The following TBPL2 variants were observed in gnomAD, a reference collection of about 807,000 sequenced individuals.
The protein encoded by TBPL2 is TATA box-binding protein-like 2.
TBPL2 carries 40 observed loss-of-function variants against 38.2 expected under a neutral mutation model. The ratio of observed to expected loss-of-function variants is 1.05; its 90% CI spans 0.81 to 1.36. TBPL2 has a LOEUF of 1.36. Ranked by LOEUF, TBPL2 falls within the 40% of genes most tolerant of loss-of-function variation. The pLI is 0.00. For synonymous variants in TBPL2, 169 were observed against 171.7 expected (o/e 0.98, Z 0.12); for missense variants, 461 against 456.7 (o/e 1.01, Z -0.09).
intron 4 of TBPL2, among the ~76,000 whole-genome samples, chr14:55,432,248 A>C (rs1885941149): frequency 6.7e-6 from 1 of 149,728 alleles, no homozygotes; most frequent in African/African-American, 2.5e-5. Flanking sequence ...GTCTCTACAA[A>C]AAAAAAAAAA....
In TBPL2 at chr14:55,427,823, G is replaced by A. The variant is rs138641935; in HGVS notation, c.956+984C>T. Among the ~76,000 whole-genome samples, 527 of 139,708 alleles carry A rather than the reference G, an allele frequency of 3.8e-3. 8 individuals are homozygous for A. The highest frequency in any genetic ancestry group is 0.015 in the African/African-American group (502 of 33,028). 91.7% of individuals were successfully genotyped at this position (139,708 alleles called of 152,430 possible). ...TACAGGCAACATTGTGTTGCGGGCTGCAGCTATATACACACACACACACAC... is the reference window on the plus strand; with the variant it reads ...TACAGGCAACATTGTGTTGCGGGCTACAGCTATATACACACACACACACAC... On this transcript the variant is annotated intron_variant, in intron 5 of 6. Coordinates refer to ENST00000247219, the Ensembl canonical transcript of TBPL2.
chr14:55,432,414 G>GAA (rs200736816), intron 4 of TBPL2, among the ~76,000 whole-genome samples: 13 of 116,266 alleles, frequency 1.1e-4, no homozygotes, highest in South Asian at 2.6e-4. Context: ...CCGTGTCTCA[G>GAA]AAAAAAAAAA....
At chr14:55,433,698 C>T (rs1885971007) in exon 4 of TBPL2, 5 of 1,614,002 alleles carry the variant, frequency 3.1e-6, no homozygotes, top group Non-Finnish European at 4.2e-6. Flanking sequence ...GCTCTCGGAT[C>T]CTCATTATGA....
At chr14:55,436,532 G>T (rs767621921) in intron 2 of TBPL2, 29 bp downstream of exon 2, 1 of 1,579,536 alleles carries the variant, frequency 6.3e-7, no homozygotes, top group Non-Finnish European at 8.7e-7. Flanking sequence ...TACCCAATGT[G>T]CTCAATTAAA....
chr14:55,432,245 CAA>C (rs71131268), intron 4 of TBPL2, among the ~76,000 whole-genome samples: 40 of 121,964 alleles, frequency 3.3e-4, no homozygotes, highest in African/African-American at 6.1e-4. Flanking sequence ...CCCGTCTCTA[CAA>C]AAAAAAAAAA....
chr14:55,429,392 T>C (rs976472536), intron 4 of TBPL2, among the ~76,000 whole-genome samples: 1 of 152,194 alleles, frequency 6.6e-6, no homozygotes, highest in African/African-American at 2.4e-5. Context: ...ATCTGTCTTT[T>C]AACAAGCCCT....
chr14:55,430,202 C>G (rs529932111), intron 4 of TBPL2, among the ~76,000 whole-genome samples: 1 of 152,084 alleles, frequency 6.6e-6, no homozygotes, highest in Non-Finnish European at 1.5e-5. Context: ...ATTCCACCCC[C>G]CTCATGGGTT....
intron 5 of TBPL2, among the ~76,000 whole-genome samples, chr14:55,426,541 A>T (rs1885827005): frequency 6.6e-6 from 1 of 152,090 alleles, no homozygotes; most frequent in East Asian, 1.9e-4. Flanking sequence ...TCATGTTAAA[A>T]ATTCAAATCT....
At chr14:55,426,272 A>AT (rs1307224060) in intron 5 of TBPL2, among the ~76,000 whole-genome samples, 2 of 151,800 alleles carry the variant, frequency 1.3e-5, no homozygotes, top group African/African-American at 4.8e-5. Context: ...CATCTCAAAA[A>AT]AAAAAAATAA....
intron 5 of TBPL2, among the ~76,000 whole-genome samples, chr14:55,427,009 A>G (rs1885835880): frequency 6.6e-6 from 1 of 152,214 alleles, no homozygotes; most frequent in Non-Finnish European, 1.5e-5. Context: ...ACACAACCTT[A>G]GAGTTCGGGC....
rs115692565 is a variant in TBPL2, at chr14:55,417,207, G to A, written c.1052-2752C>T. 3.6e-3 allele frequency among the ~76,000 whole-genome samples: 542 copies of A among 152,270 alleles called. 7 individuals carry two copies. Among genetic ancestry groups the A allele is most frequent in the African/African-American group, 0.012 (516 of 41,534 alleles). On this transcript the variant is annotated intron_variant, in intron 6 of 6. Transcript: ENST00000247219. The stretch of plus-strand genomic sequence containing the variant: ...CTGAACCATACAGCAGCAGCTGTGG[G>A]AGAAGAGTGCGTGTAACCGGTGTTC...
rs71131269 is a variant in TBPL2 at position 55,433,309 on chromosome 14, CTTT to C, written c.788+318_788+320del. On this transcript the variant is annotated intron_variant, in intron 4 of 6. Transcript: ENST00000247219. ...ACATCCAGCTACTTTTTAGATTTCT[CTTT>C]TTTTTTTTTTTTTTTTTTTTAACAG... Among the ~76,000 whole-genome samples, 769 of 119,872 alleles carry C rather than the reference CTTT, an allele frequency of 6.4e-3. 5 individuals carry two copies. Among genetic ancestry groups the C allele is most frequent in the Middle Eastern group, 0.017 (4 of 230 alleles). The allele number at this position is 119,872 out of a possible 152,430, so 78.6% of individuals were successfully genotyped here.
rs750646090 is a variant in TBPL2 at position 55,414,398 on chromosome 14, T to C, written c.1109A>G (p.Lys370Arg). ...ATATGCTCAGGCTTTTTTAAAACCT[T>C]TTAGAATAGGATAGATGTTTTCAAA... The change falls in exon 7 of 7, where the codon AAA becomes AGA. Residue 370 changes from lysine (K) to arginine (R), a missense_variant. Physicochemically the swap from Lys to Arg is conservative, Grantham distance 26. Transcript: ENST00000247219. The C allele has an allele frequency of 6.5e-5, 105 of 1,605,858 alleles. No individual in the cohort carries two copies. Among genetic ancestry groups the C allele is most frequent in the Non-Finnish European group, 8.7e-5 (103 of 1,177,248 alleles).
At chr14:55,435,308 C>G (rs116769722) in intron 3 of TBPL2, among the ~76,000 whole-genome samples, 1 of 147,256 alleles carries the variant, frequency 6.8e-6, no homozygotes, top group Non-Finnish European at 1.5e-5. Flanking sequence ...GACGGAGTCT[C>G]GCTGTTACCC....
At position 55,428,902 on chromosome 14, in the gene TBPL2, G is replaced by A. The variant is rs1178544743; in HGVS notation, c.861C>T (p.Phe287=). The change falls in exon 5 of 7, where the codon TTC becomes TTT. Residue 287 remains phenylalanine, a synonymous_variant. Coordinates refer to ENST00000247219, the Ensembl canonical transcript of TBPL2. ...CCATGTTCTGAATTTTAAAATCGAG[G>A]AATCTGGCAGGGAACCCAAGCTTCT... 3.1e-6 allele frequency: 5 copies of A among 1,614,134 alleles called. No homozygotes were observed. In the South Asian group the frequency reaches 5.5e-5, roughly 18 times the overall value.
intron 5 of TBPL2, among the ~76,000 whole-genome samples, chr14:55,428,317 G>C (rs1885865314): frequency 6.6e-6 from 1 of 151,716 alleles, no homozygotes; most frequent in African/African-American, 2.4e-5. Flanking sequence ...TTTTAGTAGA[G>C]ACAGGGTTTC....
intron 6 of TBPL2, among the ~76,000 whole-genome samples, chr14:55,421,399 C>G (rs1372340610): frequency 6.6e-6 from 1 of 152,180 alleles, no homozygotes; most frequent in Non-Finnish European, 1.5e-5. Context: ...TTAGTGCCAT[C>G]TGAGGAATTG....
intron 5 of TBPL2, among the ~76,000 whole-genome samples, chr14:55,428,090 A>G (rs939729621): frequency 2.6e-5 from 3 of 114,346 alleles, no homozygotes; most frequent in African/African-American, 1.0e-4. Flanking sequence ...GCCCCTTCCT[A>G]CCGGCCTAGT....
chr14:55,433,016 C>T (rs1374270966), intron 4 of TBPL2, among the ~76,000 whole-genome samples: 1 of 152,186 alleles, frequency 6.6e-6, no homozygotes, highest in Non-Finnish European at 1.5e-5. Flanking sequence ...TTATAACACA[C>T]TTCATCATTA....
Sources: allele counts gnomAD v4.1 joint callset (sites outside exome capture counted in the v4.1 genomes callset), GRCh38; gene constraint gnomAD v4.1.1; transcripts MANE v1.5; gene names NCBI Gene and HGNC (gene_info 2026-07-23, HGNC 2026-07-21).